Variants in NELL2 observed in about 807,000 individuals in gnomAD.
NELL2 encodes protein kinase C-binding protein NELL2.
Under a neutral mutation model 109.6 loss-of-function variants are expected in NELL2, and 41 were observed. The observed-to-expected ratio is 0.37, with a 90% CI of 0.29 to 0.49. The LOEUF (loss-of-function observed/expected upper bound fraction) is 0.49, where lower values mean the gene tolerates loss of function less well. NELL2 is among the 20% of genes least tolerant of loss of function. NELL2 has a pLI of 0.98. For synonymous variants in NELL2, 355 were observed against 344.7 expected, an observed-to-expected ratio of 1.03 and a Z score of -0.33; for missense variants, 900 against 1,008.3, an observed-to-expected ratio of 0.89 and a Z score of 1.45.
intron 2 of NELL2, among the ~76,000 whole-genome samples, chr12:44,847,109 A>C (rs1016176969): frequency 6.6e-6 from 1 of 152,206 alleles, no homozygotes; most frequent in Non-Finnish European, 1.5e-5. Context: ...CAGTAGCTCC[A>C]AGGCTGACAG....
At chr12:44,833,847 A>C (rs954735621) in intron 2 of NELL2, among the ~76,000 whole-genome samples, 8 of 152,196 alleles carry the variant, frequency 5.3e-5, no homozygotes. Flanking sequence ...CGGTCCAACT[A>C]TCTCATTAGT....
In NELL2 at chr12:44,517,596, A is replaced by T. The variant is rs1446459989; in HGVS notation, c.2400+2409T>A. 4.6e-5 allele frequency among the ~76,000 whole-genome samples: 7 copies of T among 152,308 alleles called. No homozygotes were observed. In the East Asian group the frequency reaches 1.3e-3, roughly 29 times the overall value. ...CTTACACAGTGTGCTATCTAATATG[A>T]CAGCCAGTAGCCACATGTGGCTATT... On this transcript the variant is annotated intron_variant, in intron 19 of 19. Transcript: ENST00000429094.
intron 2 of NELL2, among the ~76,000 whole-genome samples, chr12:44,843,147 G>C (rs1326310671): frequency 6.6e-6 from 1 of 151,660 alleles, no homozygotes; most frequent in African/African-American, 2.4e-5. Context: ...ATTTTATTTG[G>C]GGAAGGGGAG....
chr12:44,907,436 A>G (rs57965794), intron 1 of NELL2, among the ~76,000 whole-genome samples: 3,102 of 152,242 alleles, frequency 0.02, 104 homozygotes, highest in East Asian at 0.17. Flanking sequence ...AAAGTGTCAA[A>G]TATTGTTTAT....
chr12:44,514,444 A>G (rs1318875686), intron 19 of NELL2, among the ~76,000 whole-genome samples: 1 of 151,830 alleles, frequency 6.6e-6, no homozygotes, highest in Non-Finnish European at 1.5e-5. Context: ...TGTATGATAA[A>G]ACATTTTGAC....
intron 9 of NELL2, among the ~76,000 whole-genome samples, chr12:44,729,787 T>C (rs1407717782): frequency 1.3e-5 from 2 of 151,604 alleles, no homozygotes; most frequent in Admixed American, 6.6e-5. Flanking sequence ...GGCCTTTTTG[T>C]TTGGTTGTTT....
chr12:44,599,972 T>G (rs1307849573), intron 15 of NELL2, among the ~76,000 whole-genome samples: 1 of 146,890 alleles, frequency 6.8e-6, no homozygotes, highest in Non-Finnish European at 1.5e-5. Context: ...TTTTTTTTTT[T>G]TTTTTTTGAG....
At chr12:44,681,384 TTTTA>T (rs1948497063) in intron 12 of NELL2, among the ~76,000 whole-genome samples, 1 of 149,452 alleles carries the variant, frequency 6.7e-6, no homozygotes, top group Admixed American at 6.7e-5. Flanking sequence ...CATAACCCTT[TTTTA>T]TTTATTTTTA....
intron 16 of NELL2, among the ~76,000 whole-genome samples, chr12:44,528,025 T>TGGAGCTTGCTTGCAGTGAGCC (rs1555171267): frequency 8.0e-6 from 1 of 125,654 alleles, no homozygotes; most frequent in Non-Finnish European, 1.6e-5. Context: ...ACCGGGGAGG[T>TGGAGCTTGCTTGCAGTGAGCC]GGAGCTTGCT....
At chr12:44,585,268 T>C (rs1249847582) in intron 15 of NELL2, among the ~76,000 whole-genome samples, 1 of 152,092 alleles carries the variant, frequency 6.6e-6, no homozygotes, top group African/African-American at 2.4e-5. Flanking sequence ...TTGAAACCAT[T>C]TGAAATAGTA....
chr12:44,518,535 G>T (rs1036221285), intron 19 of NELL2, among the ~76,000 whole-genome samples: 1 of 152,134 alleles, frequency 6.6e-6, no homozygotes, highest in African/African-American at 2.4e-5. Flanking sequence ...GTGAGCCACC[G>T]TGCCCGGCCT....
At chr12:44,521,949 A>G (rs774176705) in intron 18 of NELL2, 51 bp downstream of exon 18, 12 of 1,592,544 alleles carry the variant, frequency 7.5e-6, no homozygotes, top group Non-Finnish European at 9.4e-6. Flanking sequence ...TTGCTTCTCT[A>G]TTTAGATTCT....
chr12:44,662,867 T>C (rs943437616), intron 13 of NELL2, among the ~76,000 whole-genome samples: 1 of 151,992 alleles, frequency 6.6e-6, no homozygotes, highest in African/African-American at 2.4e-5. Context: ...AGGGCAGGGA[T>C]ACAGAAGCAA....
At chr12:44,791,183 C>CATAGATATATATATAT (rs1284244565) in intron 3 of NELL2, among the ~76,000 whole-genome samples, 1 of 15,090 alleles carries the variant, frequency 6.6e-5, no homozygotes, top group Non-Finnish European at 1.2e-4. Flanking sequence ...AGTATTCCAT[C>CATAGATATATATATAT]ATATATATAT....
At position 44,876,138 on chromosome 12, in the gene NELL2, G is replaced by T. The variant is rs1435467061; in HGVS notation, c.-269C>A. The T allele has an allele frequency of 7.8e-7, 1 of 1,288,864 alleles. No homozygotes were observed. Among genetic ancestry groups the T allele is most frequent in the Non-Finnish European group, 9.8e-7 (1 of 1,017,284 alleles). The allele number at this position is 1,288,864 out of a possible 1,614,324, so 79.8% of individuals were successfully genotyped here. ...CGGCCCGGAGGGGGCCCGGAGGGAG[G>T]GGTCGGACTCGCCCCGGCGCGGCTC... On this transcript the variant is annotated 5_prime_UTR_variant, in exon 1 of 20. Transcript: ENST00000429094.
At chr12:44,876,927 TG>T (rs1389299412), upstream of NELL2, 1 of 1,233,418 alleles carries the variant, frequency 8.1e-7, no homozygotes, top group Non-Finnish European at 1.0e-6. Context: ...GGCGGGGCGC[TG>T]GAGAGCTTCC....
Position 44,559,410 on chromosome 12 carries a change from C to T in NELL2, c.1664-26689G>A, listed in dbSNP as rs546359124. Among the ~76,000 whole-genome samples the T allele has an allele frequency of 7.9e-5, 12 of 152,228 alleles. No homozygotes were observed. The East Asian group carries it at 1.2e-3, about 15-fold the overall frequency. On this transcript the variant is annotated intron_variant, in intron 15 of 19. Transcript: ENST00000429094. ...AATTGGATAAAGAGTAAAGATCCAT[C>T]GGTGTGCTGTATTCAGGAGACCCAT...
intron 10 of NELL2, among the ~76,000 whole-genome samples, chr12:44,713,737 T>C (rs904518068): frequency 3.9e-5 from 6 of 151,940 alleles, no homozygotes; most frequent in African/African-American, 1.4e-4. Context: ...CAAATTAAGA[T>C]GCATAAACTG....
At chr12:44,739,483 T>C (rs1939825531) in intron 9 of NELL2, among the ~76,000 whole-genome samples, 1 of 152,198 alleles carries the variant, frequency 6.6e-6, no homozygotes, top group Non-Finnish European at 1.5e-5. Context: ...ACCAGTTTTG[T>C]ACAGGCTTGT....
Sources: allele counts gnomAD v4.1 joint callset (sites outside exome capture counted in the v4.1 genomes callset), GRCh38; gene constraint gnomAD v4.1.1; transcripts MANE v1.5; gene names NCBI Gene and HGNC (gene_info 2026-07-23, HGNC 2026-07-21).